The following RASAL3 variants were observed in gnomAD, a reference collection of about 807,000 sequenced individuals.
RASAL3 encodes RAS protein activator like 3.
RASAL3 carries 74 observed loss-of-function variants against 105.5 expected under a neutral mutation model. The ratio of observed to expected loss-of-function variants is 0.70; its 90% CI spans 0.58 to 0.85. RASAL3 has a LOEUF of 0.85. Ranked by LOEUF, RASAL3 falls within the 40% of genes least tolerant of loss-of-function variation. The pLI, the probability that RASAL3 is intolerant of heterozygous loss-of-function variation, is 0.00. For synonymous variants in RASAL3, 579 were observed against 591.6 expected (o/e 0.98, Z 0.31); for missense variants, 1,352 against 1,392.0 (o/e 0.97, Z 0.46).
intron 3 of RASAL3, 69 bp from the exon 4 acceptor site, chr19:15,461,365 G>T: frequency 6.5e-7 from 1 of 1,546,662 alleles, no homozygotes; most frequent in Non-Finnish European, 8.8e-7. Flanking sequence ...CAGACCGAGG[G>T]AGAGGCAGAC....
rs879009665 is a variant in RASAL3, at chr19:15,456,373, C to T, written c.1577-125G>A. ...AACATCTTGGGGAGCTCCCAATTGT[C>T]CCCAGGATCCTAGCACCCCCAAAAC... On this transcript the variant is annotated intron_variant, in intron 10 of 17. Transcript: ENST00000343625. This position sits in a 1 kb window ranked among gnomAD's most constrained non-coding sequence, Gnocchi z 4.4. 2.0e-6 allele frequency: 3 copies of T among 1,521,064 alleles called. No individual in the cohort carries two copies. The highest frequency in any genetic ancestry group is 1.7e-4 in the Middle Eastern group (1 of 5,756). The allele number at this position is 1,521,064 out of a possible 1,614,324, so 94.2% of individuals were successfully genotyped here.
chr19:15,457,276 T>C lies in RASAL3; in HGVS notation c.1431+16A>G. ...TACCCCTGGTAGCCCCGGTCCGCGC[T>C]GTCGCGGTGCCGCACCTGCGCCCGG... On this transcript the variant is annotated intron_variant, in intron 9 of 17. Coordinates refer to ENST00000343625, the MANE Select transcript of RASAL3 (RefSeq NM_022904.3). The surrounding 1 kb of genome is among the most constrained non-coding windows in gnomAD (Gnocchi z 8.6). 1.6e-6 allele frequency: 2 copies of C among 1,269,866 alleles called. No individual in the cohort carries two copies. Among genetic ancestry groups the C allele is most frequent in the Non-Finnish European group, 2.0e-6 (2 of 1,007,304 alleles). The allele number at this position is 1,269,866 out of a possible 1,614,324, so 78.7% of individuals were successfully genotyped here.
In RASAL3 at chr19:15,454,875, C is replaced by T. The variant is rs751451556; in HGVS notation, c.1740G>A (p.Leu580=). The T allele has an allele frequency of 1.7e-5, 26 of 1,561,712 alleles. No individual in the cohort carries two copies. The South Asian group carries it at 2.8e-4, about 17-fold the overall frequency. The part of the protein sequence containing the change: ...IHSYDWFPAE[L]GIVFSSWREA... ...CTCGCCAGCTTGAGAACACGATGCC[C>T]AGCTCCGCAGGGAACCAGCTGGTGC... is the stretch of plus-strand genomic sequence containing the variant. The change falls in exon 12 of 18, where the codon CTG becomes CTA. Residue 580 remains leucine, a synonymous_variant. Coordinates refer to ENST00000343625, the MANE Select transcript of RASAL3 (RefSeq NM_022904.3).
rs2145458135 is a variant in RASAL3, at chr19:15,454,838, C to T, written c.1777G>A (p.Glu593Lys). 1.3e-6 allele frequency: 2 copies of T among 1,582,888 alleles called. No homozygotes were observed. The highest frequency in any genetic ancestry group is 4.6e-5 in the East Asian group (2 of 43,136). The change falls in exon 12 of 18, where the codon GAA becomes AAA. Residue 593 changes from glutamate to lysine, a missense_variant. By Grantham distance (56) the Glu-to-Lys change is moderately conservative. This residue lies in a region of RASAL3 where 920 missense variants were observed against 919.6 expected (regional missense o/e 1.00). Transcript: ENST00000343625. The part of the protein sequence containing the change: ...VFSSWREACK[E>K]RGSEVLGPRL... Reference sequence around the variant, plus strand: ...GGGCCCAGCACCTCAGAGCCACGTTCTTTACATGCTTCTCGCCAGCTTGAG... The same window carrying T: ...GGGCCCAGCACCTCAGAGCCACGTTTTTTACATGCTTCTCGCCAGCTTGAG...
At chr19:15,455,457 A>T (rs1178675302) in intron 11 of RASAL3, among the ~76,000 whole-genome samples, 1 of 152,150 alleles carries the variant, frequency 6.6e-6, no homozygotes, top group Non-Finnish European at 1.5e-5. Context: ...ATCTGGTCAT[A>T]GGATTGAGGT....
intron 2 of RASAL3, 110 bp downstream of exon 2, chr19:15,463,921 G>A: frequency 9.7e-7 from 1 of 1,030,852 alleles, no homozygotes; most frequent in Non-Finnish European, 1.4e-6. Flanking sequence ...CTGGGCTTTT[G>A]CACTCCCCAC....
At chr19:15,452,177 T>G in intron 16 of RASAL3, 69 bp from the exon 17 acceptor site, 2 of 1,517,624 alleles carry the variant, frequency 1.3e-6, no homozygotes, top group South Asian at 1.1e-5. Flanking sequence ...CTGGTGGGAG[T>G]GCCAGGGACT....
rs375588307 is a variant in RASAL3 at position 15,451,768 on chromosome 19, C to G, written c.*27G>C. The G allele has an allele frequency of 3.2e-6, 5 of 1,572,488 alleles. No individual in the cohort carries two copies. The highest frequency in any genetic ancestry group is 4.3e-6 in the Non-Finnish European group (5 of 1,152,502). On this transcript the variant is annotated 3_prime_UTR_variant, in exon 18 of 18. Transcript: ENST00000343625. ...GATGGCTATCTCTCTGCTCCCAGACCACGTGTGATGAGGCAGGATGGGCAG... is the reference window on the plus strand; with the variant it reads ...GATGGCTATCTCTCTGCTCCCAGACGACGTGTGATGAGGCAGGATGGGCAG...
chr19:15,458,575 A>G lies in RASAL3; in HGVS notation c.743T>C (p.Ile248Thr), dbSNP rs756351701. 9.9e-6 allele frequency: 16 copies of G among 1,613,722 alleles called. No individual in the cohort carries two copies. Among genetic ancestry groups the G allele is most frequent in the Non-Finnish European group, 1.3e-5 (15 of 1,179,792 alleles). Residue 248 changes from isoleucine (I) to threonine (T), a missense_variant, in exon 7 of 18, where the codon ATC (isoleucine) becomes ACC (threonine). Ile to Thr is a moderately conservative substitution (Grantham distance 89). Coordinates refer to ENST00000343625, the MANE Select transcript of RASAL3 (RefSeq NM_022904.3). ...LDLGAERDVR[I>T]WPLHPSLLGE... is the part of the protein sequence containing the mutation. ...CAGGAGGCTGGGGTGCAGTGGCCAG[A>G]TCCGCACATCCCGCTCGGCACCCAG...
chr19:15,461,562 G>T lies in RASAL3; in HGVS notation c.374C>A (p.Pro125His). The T allele has an allele frequency of 6.5e-7, 1 of 1,534,512 alleles. No homozygotes were observed. Among genetic ancestry groups the T allele is most frequent in the African/African-American group, 1.4e-5 (1 of 71,700 alleles). The stretch of plus-strand genomic sequence containing the variant: ...AGGCACGTTGGGTGTGGGGGCCTCA[G>T]GGATCTGTGGGGTAGGGGGCTCCAG... ...PELEPPTPQI[P>H]EAPTPNVPVW... Residue 125 changes from proline (P) to histidine (H), a missense_variant, in exon 3 of 18, where the codon CCT becomes CAT. Pro to His is a moderately conservative substitution (Grantham distance 77). Transcript: ENST00000343625.
chr19:15,458,683 T>G, intron 6 of RASAL3, 28 bp from the exon 7 acceptor site: 1 of 1,605,774 alleles, frequency 6.2e-7, no homozygotes, highest in Non-Finnish European at 8.5e-7. Context: ...GAGCACACCG[T>G]CATTCCTGCC....
Position 15,457,329 on chromosome 19 carries a change from G to A in RASAL3, c.1394C>T (p.Ala465Val). Reference protein sequence around the residue: ...PAQAKEELAAAMVRVLRATGR... With the variant: ...PAQAKEELAAVMVRVLRATGR... Reference sequence around the variant, plus strand: ...GGTGGCCCGCAGCACGCGCACCATGGCTGCCGCCAGCTCCTCCTTGGCCTG... The same window carrying A: ...GGTGGCCCGCAGCACGCGCACCATGACTGCCGCCAGCTCCTCCTTGGCCTG... The change falls in exon 9 of 18, where the codon GCC (alanine) becomes GTC (valine). Residue 465 changes from alanine (A) to valine (V), a missense_variant. By Grantham distance (64) the Ala-to-Val change is moderately conservative (BLOSUM62 0). This residue lies in a region of RASAL3 where 920 missense variants were observed against 919.6 expected (regional missense o/e 1.00). Coordinates refer to ENST00000343625, the MANE Select transcript of RASAL3 (RefSeq NM_022904.3). This position sits in a 1 kb window ranked among gnomAD's most constrained non-coding sequence, Gnocchi z 8.6. 1 of 1,361,760 alleles carries A rather than the reference G, an allele frequency of 7.3e-7. No homozygotes were observed. The highest frequency in any genetic ancestry group is 3.9e-5 in the Admixed American group (1 of 25,458). 84.4% of individuals were successfully genotyped at this position (1,361,760 alleles called of 1,614,324 possible).
chr19:15,464,195 G>T lies in RASAL3; in HGVS notation c.164C>A (p.Pro55His), dbSNP rs200535648. 3.7e-6 allele frequency: 6 copies of T among 1,611,512 alleles called. No homozygotes were observed. The African/African-American group carries it at 6.7e-5, about 18-fold the overall frequency. Reference protein sequence around the residue: ...GWGRALSHQEPMVSTQPAPRS... With the variant: ...GWGRALSHQEHMVSTQPAPRS... ...AGGGGCTGGCTGGGTGCTGACCATG[G>T]GCTCCTGGTGGCTCAGGGCCCTGCC... is the stretch of plus-strand genomic sequence containing the variant. Residue 55 changes from proline (P) to histidine (H), a missense_variant, in exon 2 of 18, where the codon CCC becomes CAC. Physicochemically the swap from Pro to His is moderately conservative, Grantham distance 77. Transcript: ENST00000343625.
At position 15,453,503 on chromosome 19, in the gene RASAL3, G is replaced by T. The variant is rs1288280724; in HGVS notation, c.2280-6C>A. On this transcript the variant is annotated splice_polypyrimidine_tract_variant and splice_region_variant and intron_variant, in intron 14 of 17. Transcript: ENST00000343625. The surrounding 1 kb of genome is among the most constrained non-coding windows in gnomAD (Gnocchi z 4.2). ...GCTTCTCCCCTGCGGAGAGGCTAGG[G>T]GTGGGATGGAGGATCTTAGACCCTC... is the stretch of plus-strand genomic sequence containing the variant. 5 of 1,517,714 alleles carry T rather than the reference G, an allele frequency of 3.3e-6. No individual in the cohort carries two copies. The highest frequency in any genetic ancestry group is 2.4e-5 in the Admixed American group (1 of 42,058). The allele number at this position is 1,517,714 out of a possible 1,614,324, so 94.0% of individuals were successfully genotyped here.
Position 15,457,355 on chromosome 19 carries a change from C to A in RASAL3, c.1368G>T (p.Ala456=). Residue 456 remains alanine, a synonymous_variant, in exon 9 of 18, where the codon GCG becomes GCT. Transcript: ENST00000343625. This position sits in a 1 kb window ranked among gnomAD's most constrained non-coding sequence, Gnocchi z 8.6. ...CTGCCGCCAGCTCCTCCTTGGCCTG[C>A]GCAGGCAGCGCGGGCTCCAGGGCCC... The part of the protein sequence containing the change: ...LCGALEPALP[A]QAKEELAAAM... The A allele has an allele frequency of 5.7e-6, 8 of 1,412,340 alleles. No homozygotes were observed. The highest frequency in any genetic ancestry group is 1.4e-5 in the South Asian group (1 of 70,988). The allele number at this position is 1,412,340 out of a possible 1,614,324, so 87.5% of individuals were successfully genotyped here.
chr19:15,453,616 G>C lies in RASAL3; in HGVS notation c.2280-119C>G. The C allele has an allele frequency of 2.0e-6, 2 of 1,022,236 alleles. No homozygotes were observed. The highest frequency in any genetic ancestry group is 3.5e-5 in the African/African-American group (2 of 57,744). 63.3% of individuals were successfully genotyped at this position (1,022,236 alleles called of 1,614,324 possible). A position where few individuals can be genotyped will look rare whatever the true frequency, so the allele number is the denominator to read the frequency against. On this transcript the variant is annotated intron_variant, in intron 14 of 17. Coordinates refer to ENST00000343625, the MANE Select transcript of RASAL3 (RefSeq NM_022904.3). This position sits in a 1 kb window ranked among gnomAD's most constrained non-coding sequence, Gnocchi z 4.2. The stretch of plus-strand genomic sequence containing the variant: ...CTTGTCCTTTCTTTTTTTTTTTTGA[G>C]ACAAGGTCTTGCTCTGTCGCCCAGG...
At chr19:15,463,011 C>T (rs1295593295) in intron 2 of RASAL3, among the ~76,000 whole-genome samples, 1 of 151,822 alleles carries the variant, frequency 6.6e-6, no homozygotes, top group East Asian at 1.9e-4. Flanking sequence ...AGCCCTAATT[C>T]TTGTGATATC....
At chr19:15,452,431 G>A (rs1970178992) in intron 16 of RASAL3, 2 of 595,566 alleles carry the variant, frequency 3.4e-6, no homozygotes, top group South Asian at 2.0e-5. Flanking sequence ...GGAGGGGTGG[G>A]GCCTGGATGA....
At position 15,457,299 on chromosome 19, in the gene RASAL3, C is replaced by G; in HGVS notation, c.1424G>C (p.Arg475Pro). 7.7e-7 allele frequency: 1 copy of G among 1,298,416 alleles called. No homozygotes were observed. The highest frequency in any genetic ancestry group is 9.8e-7 in the Non-Finnish European group (1 of 1,024,346). 80.4% of individuals were successfully genotyped at this position (1,298,416 alleles called of 1,614,324 possible). A position where few individuals can be genotyped will look rare whatever the true frequency, so the allele number is the denominator to read the frequency against. Residue 475 changes from arginine to proline, a missense_variant, in exon 9 of 18, where the codon CGG becomes CCG. Around this residue, in one of 3 missense-constraint regions of RASAL3, gnomAD observed 920 missense variants for 919.6 expected, o/e 1.00. Transcript: ENST00000343625. The surrounding 1 kb of genome is among the most constrained non-coding windows in gnomAD (Gnocchi z 8.6). ...GCTGTCGCGGTGCCGCACCTGCGCCCGGCCGGTGGCCCGCAGCACGCGCAC... is the reference window on the plus strand; with the variant it reads ...GCTGTCGCGGTGCCGCACCTGCGCCGGGCCGGTGGCCCGCAGCACGCGCAC... ...AMVRVLRATG[R>P]AQALVTDLGT...
Sources: gnomAD v4.1 joint callset for allele counts (sites outside exome capture counted in the v4.1 genomes callset) on GRCh38, gnomAD v4.1.1 for gene constraint, gnomAD v4.1.1 regional missense constraint, Gnocchi (gnomAD v3.1) non-coding constraint, MANE v1.5 for transcripts, NCBI Gene and HGNC (gene_info 2026-07-23, HGNC 2026-07-21) for gene names.